The following MECOM variants were observed in gnomAD, a reference collection of about 807,000 sequenced individuals.
MECOM encodes the protein MDS1 and EVI1 complex locus, also known as histone-lysine N-methyltransferase MECOM.
In MECOM, 13 loss-of-function variants were observed where a neutral mutation model predicts 116.3. That is an observed-to-expected ratio of 0.11 (90% confidence interval 0.07 to 0.18). The LOEUF is 0.18. Ranked by LOEUF, MECOM falls within the 10% of genes least tolerant of loss-of-function variation. MECOM has a pLI of 1.00. For missense variants in MECOM, 1,299 were observed against 1,509.0 expected (o/e 0.86, Z 2.31); for synonymous variants, 528 against 535.2 (o/e 0.99, Z 0.19).
At chr3:169,240,386 T>G (rs892547346) in intron 2 of MECOM, among the ~76,000 whole-genome samples, 1 of 152,178 alleles carries the variant, frequency 6.6e-6, no homozygotes, top group Non-Finnish European at 1.5e-5. Flanking sequence ...CCAAAATTCA[T>G]TTGATGGAAC....
chr3:169,093,171 T>A, intron 13 of MECOM, 69 bp from the exon 14 acceptor site: 2 of 1,474,000 alleles, frequency 1.4e-6, no homozygotes, highest in South Asian at 2.7e-5. Context: ...GGAAACTCAC[T>A]CCTTATGAAT....
intron 1 of MECOM, among the ~76,000 whole-genome samples, chr3:169,593,364 G>GA (rs1352211320): frequency 1.3e-5 from 2 of 152,142 alleles, no homozygotes; most frequent in African/African-American, 2.4e-5. Context: ...AATTCCACAG[G>GA]AAAACAGCAT....
intron 2 of MECOM, among the ~76,000 whole-genome samples, chr3:169,265,699 A>G (rs1165427813): frequency 6.6e-6 from 1 of 152,234 alleles, no homozygotes; most frequent in African/African-American, 2.4e-5. Flanking sequence ...ACGCATACTA[A>G]GTCACATGCT....
At chr3:169,406,845 T>A (rs969479485) in intron 1 of MECOM, among the ~76,000 whole-genome samples, 2 of 151,174 alleles carry the variant, frequency 1.3e-5, no homozygotes, top group African/African-American at 4.9e-5. Context: ...TACTGTTTTT[T>A]TTTGTTTTTT....
intron 1 of MECOM, among the ~76,000 whole-genome samples, chr3:169,480,830 T>C (rs1751175550): frequency 6.6e-6 from 1 of 152,112 alleles, no homozygotes; most frequent in South Asian, 2.1e-4. Context: ...TGCTACTGTC[T>C]GCAGAGTGTC....
Position 169,381,208 on chromosome 3 carries a change from T to C in MECOM, c.354A>G (p.Lys118=). Residue 118 remains lysine (K), a synonymous_variant, in exon 2 of 17, where the codon AAA becomes AAG. Transcript: ENST00000651503. The part of the protein sequence containing the change: ...PYVGEQRSNL[K]DPSYGWEILD... ...TTACCTCCCATCCATAACTGGGGTC[T>C]TTCAGGTTTGACCTCTGCTCTCCCA... 1 of 1,607,908 alleles carries C rather than the reference T, an allele frequency of 6.2e-7. No individual in the cohort carries two copies. The highest frequency in any genetic ancestry group is 8.5e-7 in the Non-Finnish European group (1 of 1,174,932).
At chr3:169,555,815 T>C (rs1761959438) in intron 1 of MECOM, among the ~76,000 whole-genome samples, 1 of 152,204 alleles carries the variant, frequency 6.6e-6, no homozygotes, top group Admixed American at 6.5e-5. Context: ...TAAAAGCAAT[T>C]CATCACTTAT....
intron 2 of MECOM, among the ~76,000 whole-genome samples, chr3:169,364,821 T>C (rs1483202876): frequency 6.6e-6 from 1 of 152,016 alleles, no homozygotes; most frequent in African/African-American, 2.4e-5. Context: ...ACCAAATCAA[T>C]TTAATTTTTA....
At chr3:169,306,686 C>A (rs556092764) in intron 2 of MECOM, among the ~76,000 whole-genome samples, 1 of 152,282 alleles carries the variant, frequency 6.6e-6, no homozygotes, top group African/African-American at 2.4e-5. Flanking sequence ...CAGACTAGAA[C>A]AAGAGCCCCC....
chr3:169,616,606 C>T (rs1226443321), intron 1 of MECOM, among the ~76,000 whole-genome samples: 1 of 152,166 alleles, frequency 6.6e-6, no homozygotes, highest in Non-Finnish European at 1.5e-5. Flanking sequence ...TCTCAAAGTG[C>T]TGTGATTATA....
intron 2 of MECOM, among the ~76,000 whole-genome samples, chr3:169,262,388 C>T (rs927178753): frequency 5.9e-5 from 9 of 152,296 alleles, no homozygotes; most frequent in Admixed American, 5.2e-4. Flanking sequence ...ATTCCTCATG[C>T]AATCAGTTTT....
intron 1 of MECOM, among the ~76,000 whole-genome samples, chr3:169,462,832 A>G (rs1475365653): frequency 6.6e-6 from 1 of 152,220 alleles, no homozygotes; most frequent in East Asian, 1.9e-4. Flanking sequence ...AATTATTTTG[A>G]AAATTTCTTA....
intron 2 of MECOM, among the ~76,000 whole-genome samples, chr3:169,356,150 A>T (rs1282048550): frequency 1.3e-5 from 2 of 151,908 alleles, no homozygotes; most frequent in Non-Finnish European, 2.9e-5. Context: ...TTCTTGAAAC[A>T]TTCTTTGCCA....
intron 2 of MECOM, among the ~76,000 whole-genome samples, chr3:169,216,604 G>A (rs775541419): frequency 5.3e-5 from 8 of 150,542 alleles, no homozygotes; most frequent in African/African-American, 1.9e-4. Context: ...TACACTATAG[G>A]TTAAAAAACA....
At chr3:169,101,825 G>A (rs1487079322) in intron 11 of MECOM, among the ~76,000 whole-genome samples, 1 of 152,138 alleles carries the variant, frequency 6.6e-6, no homozygotes, top group African/African-American at 2.4e-5. Flanking sequence ...TATTTGGATT[G>A]TTTCCAACCT....
intron 2 of MECOM, among the ~76,000 whole-genome samples, chr3:169,333,233 T>C (rs1205297386): frequency 6.6e-6 from 1 of 152,066 alleles, no homozygotes; most frequent in Admixed American, 6.6e-5. Flanking sequence ...TTAGACATGA[T>C]GGGGAGGGGT....
chr3:169,411,640 A>C (rs1737573193), intron 1 of MECOM, among the ~76,000 whole-genome samples: 2 of 152,220 alleles, frequency 1.3e-5, no homozygotes, highest in African/African-American at 4.8e-5. Flanking sequence ...AAAAGCACCA[A>C]AGAGCCCAAA....
chr3:169,099,486 G>A (rs1249368176), intron 12 of MECOM, among the ~76,000 whole-genome samples: 1 of 152,050 alleles, frequency 6.6e-6, no homozygotes, highest in Non-Finnish European at 1.5e-5. Context: ...CTTATAATTA[G>A]TGATTTATAA....
chr3:169,524,867 T>C (rs1379355262), intron 1 of MECOM, among the ~76,000 whole-genome samples: 1 of 152,142 alleles, frequency 6.6e-6, no homozygotes, highest in South Asian at 2.1e-4. Context: ...AGAAATAAAA[T>C]GTTAACCTTC....
Sources: gnomAD v4.1 joint callset for allele counts (sites outside exome capture counted in the v4.1 genomes callset) on GRCh38, gnomAD v4.1.1 for gene constraint, MANE v1.5 for transcripts, NCBI Gene and HGNC (gene_info 2026-07-23, HGNC 2026-07-21) for gene names.